The following PIGL variants were observed in gnomAD, a reference collection of about 807,000 sequenced individuals.
PIGL encodes N-acetylglucosaminyl-phosphatidylinositol de-N-acetylase.
A neutral mutation model predicts 31.1 loss-of-function variants in PIGL; 22 were observed. The observed-to-expected ratio is 0.71, with a 90% CI of 0.51 to 1.01. The LOEUF (loss-of-function observed/expected upper bound fraction) is 1.01. PIGL is among the 50% of genes least tolerant of loss of function. PIGL has a pLI of 0.00. For missense variants in PIGL, 302 were observed against 315.9 expected, an observed-to-expected ratio of 0.96 and a Z score of 0.33; for synonymous variants, 131 against 117.4, an observed-to-expected ratio of 1.12 and a Z score of -0.75.
intron 2 of PIGL, among the ~76,000 whole-genome samples, chr17:16,271,305 T>C (rs2142770112): frequency 6.6e-6 from 1 of 152,340 alleles, no homozygotes; most frequent in East Asian, 1.9e-4. Context: ...GGCACATTCA[T>C]GCTCTGACCC....
chr17:16,317,815 CAAGT>C lies in PIGL; in HGVS notation c.569_572del (p.Lys190ThrfsTer54). On this transcript the variant is annotated frameshift_variant, in exon 6 of 7. Transcript: ENST00000225609. LOFTEE classifies it high-confidence loss of function. The stretch of plus-strand genomic sequence containing the variant: ...CGCTTCAGTCTGTGAATGTGCTGCG[CAAGT>C]ACATCTCCCTTCTGGATCTGCCCTT... 6.2e-7 allele frequency: 1 copy of C among 1,614,124 alleles called. No homozygotes were observed. Among genetic ancestry groups the C allele is most frequent in the Non-Finnish European group, 8.5e-7 (1 of 1,180,028 alleles).
At chr17:16,245,030 T>C (rs1171526641) in intron 2 of PIGL, among the ~76,000 whole-genome samples, 1 of 151,830 alleles carries the variant, frequency 6.6e-6, no homozygotes, top group African/African-American at 2.4e-5. Context: ...TTCGCTCTTG[T>C]TGCCCAGGCT....
At chr17:16,284,931 G>A (rs2092931124) in intron 2 of PIGL, among the ~76,000 whole-genome samples, 1 of 152,184 alleles carries the variant, frequency 6.6e-6, no homozygotes, top group South Asian at 2.1e-4. Flanking sequence ...TGTCTAGGCA[G>A]CAGGCAAGGT....
rs777960192 is a variant in PIGL at position 16,317,876 on chromosome 17, G to C, written c.628G>C (p.Val210Leu). 8.1e-6 allele frequency: 13 copies of C among 1,613,802 alleles called. No homozygotes were observed. The highest frequency in any genetic ancestry group is 7.6e-6 in the Non-Finnish European group (9 of 1,180,028). Reference sequence around the variant, plus strand: ...GCTTCATACGCAGGATGTCCTCTTCGTGCTCAACAGCAAAGAAGTGGCACA... The same window carrying C: ...GCTTCATACGCAGGATGTCCTCTTCCTGCTCAACAGCAAAGAAGTGGCACA... The part of the protein sequence containing the change: ...SLLHTQDVLF[V>L]LNSKEVAQAK... The change falls in exon 6 of 7, where the codon GTG becomes CTG. Residue 210 changes from valine (V) to leucine (L), a missense_variant. Coordinates refer to ENST00000225609, the MANE Select transcript of PIGL (RefSeq NM_004278.4).
rs1205723100 is a variant in PIGL at position 16,238,922 on chromosome 17, A to AG, written c.335+4852_335+4853insG. 1.1e-4 allele frequency among the ~76,000 whole-genome samples: 17 copies of AG among 148,476 alleles called. No homozygotes were observed. In the East Asian group the frequency reaches 1.7e-3, roughly 15 times the overall value. On this transcript the variant is annotated intron_variant, in intron 2 of 6. Coordinates refer to ENST00000225609, the MANE Select transcript of PIGL (RefSeq NM_004278.4). ...GAGACCCCGTCTCAAAAAAAAAAAAAAAAAAAGACGGGGTTTCGCCATGTT... is the reference window on the plus strand; with the variant it reads ...GAGACCCCGTCTCAAAAAAAAAAAAAGAAAAAAGACGGGGTTTCGCCATGTT...
intron 6 of PIGL, among the ~76,000 whole-genome samples, 189 bp from the exon 7 acceptor site, chr17:16,325,611 T>TG (rs939787615): frequency 6.6e-6 from 1 of 152,044 alleles, no homozygotes; most frequent in African/African-American, 2.4e-5. Context: ...TAGTAGGAGA[T>TG]GGGAAAGCAG....
At chr17:16,250,454 G>C (rs1373967951) in intron 2 of PIGL, among the ~76,000 whole-genome samples, 1 of 152,140 alleles carries the variant, frequency 6.6e-6, no homozygotes, top group African/African-American at 2.4e-5. Flanking sequence ...TCCAAATACA[G>C]TCACATTTTG....
intron 2 of PIGL, among the ~76,000 whole-genome samples, chr17:16,259,092 G>A (rs2092809086): frequency 6.6e-6 from 1 of 152,202 alleles, no homozygotes; most frequent in African/African-American, 2.4e-5. Flanking sequence ...TGTAATTCAA[G>A]ATGATGTGTT....
chr17:16,306,993 G>A (rs770897997), intron 3 of PIGL, among the ~76,000 whole-genome samples: 7 of 152,140 alleles, frequency 4.6e-5, no homozygotes, highest in Admixed American at 6.5e-5. Context: ...TTGATCCCAC[G>A]GAAACTTGGC....
chr17:16,306,958 G>A (rs2093028986), intron 3 of PIGL, among the ~76,000 whole-genome samples: 1 of 152,184 alleles, frequency 6.6e-6, no homozygotes, highest in South Asian at 2.1e-4. Context: ...GCCCAGCCCT[G>A]GGAAAGCCTT....
intron 3 of PIGL, among the ~76,000 whole-genome samples, chr17:16,304,020 C>T (rs144251875): frequency 6.6e-6 from 1 of 152,238 alleles, no homozygotes; most frequent in Admixed American, 6.5e-5. Context: ...GGCCTACTAA[C>T]AAATTTCTTG....
intron 1 of PIGL, 177 bp downstream of exon 1, chr17:16,217,638 G>T: frequency 1.9e-6 from 1 of 539,060 alleles, no homozygotes; most frequent in South Asian, 2.8e-5. Context: ...TACCTGGTGG[G>T]TTGGGGGACG....
intron 2 of PIGL, among the ~76,000 whole-genome samples, chr17:16,245,451 A>G (rs1270398273): frequency 6.6e-6 from 1 of 151,440 alleles, no homozygotes; most frequent in African/African-American, 2.4e-5. Context: ...TACTTATGAT[A>G]TTTTCAGTTT....
intron 2 of PIGL, among the ~76,000 whole-genome samples, chr17:16,279,226 C>G (rs1274835376): frequency 6.6e-6 from 1 of 152,186 alleles, no homozygotes; most frequent in Non-Finnish European, 1.5e-5. Flanking sequence ...AGAAAGAATT[C>G]AAGGCAAATC....
intron 2 of PIGL, among the ~76,000 whole-genome samples, chr17:16,250,107 C>T (rs907617530): frequency 1.3e-5 from 2 of 152,050 alleles, no homozygotes; most frequent in Non-Finnish European, 2.9e-5. Context: ...CCACCATGTC[C>T]GGCTAATTTT....
At position 16,313,543 on chromosome 17, in the gene PIGL, A is replaced by G. The variant is rs1568842875; in HGVS notation, c.427-4A>G. 2 of 1,611,524 alleles carry G rather than the reference A, an allele frequency of 1.2e-6. No individual in the cohort carries two copies. The highest frequency in any genetic ancestry group is 2.7e-5 in the African/African-American group (2 of 75,024). Reference sequence around the variant, plus strand: ...TTCAGTGAAAACCCTGTGTTTCTCTACAGGTGGTGACTTTCGATGCAGGGG... The same window carrying G: ...TTCAGTGAAAACCCTGTGTTTCTCTGCAGGTGGTGACTTTCGATGCAGGGG... On this transcript the variant is annotated splice_region_variant and splice_polypyrimidine_tract_variant and intron_variant, in intron 3 of 6. Transcript: ENST00000225609.
At chr17:16,258,069 A>AAGAGAGAGAGAGAGAGAG (rs749459552) in intron 2 of PIGL, among the ~76,000 whole-genome samples, 9 of 90,470 alleles carry the variant, frequency 9.9e-5, no homozygotes, top group African/African-American at 3.0e-4. Context: ...GTCAGAAAGA[A>AAGAGAGAGAGAGAGAGAG]AGAGAGAGAG....
intron 2 of PIGL, among the ~76,000 whole-genome samples, chr17:16,276,331 T>C (rs1371485187): frequency 6.6e-6 from 1 of 152,234 alleles, no homozygotes; most frequent in Non-Finnish European, 1.5e-5. Flanking sequence ...ATTTTTACAT[T>C]ATCTATCCCT....
chr17:16,303,067 C>T (rs2093011621), intron 3 of PIGL, among the ~76,000 whole-genome samples: 2 of 152,132 alleles, frequency 1.3e-5, no homozygotes, highest in African/African-American at 4.8e-5. Context: ...CTTTGGGGCA[C>T]AGGCAGCTCT....
Sources: allele counts gnomAD v4.1 joint callset (sites outside exome capture counted in the v4.1 genomes callset), GRCh38; gene constraint gnomAD v4.1.1; transcripts MANE v1.5; gene names NCBI Gene and HGNC (gene_info 2026-07-23, HGNC 2026-07-21).